The following CACNA1A variants were observed in gnomAD, a reference collection of about 807,000 sequenced individuals.
CACNA1A encodes the protein calcium voltage-gated channel subunit alpha1 A, also known as voltage-dependent P/Q-type calcium channel subunit alpha-1A.
In CACNA1A, 57 loss-of-function variants were observed where a neutral mutation model predicts 262.4. The observed-to-expected ratio is 0.22, with a 90% CI of 0.18 to 0.27. The LOEUF (loss-of-function observed/expected upper bound fraction) is 0.27, where lower values mean the gene tolerates loss of function less well. Among genes scored for constraint, CACNA1A ranks in the 10% least tolerant of loss-of-function variants. The probability of loss-of-function intolerance (pLI) is 1.00; values close to 1 mark genes in which losing one functional copy is unlikely to be tolerated. For missense variants in CACNA1A, 2,526 were observed against 3,562.8 expected, an observed-to-expected ratio of 0.71 and a Z score of 7.41; for synonymous variants, 1,431 against 1,419.3, an observed-to-expected ratio of 1.01 and a Z score of -0.18.
rs1442995931 is a variant in CACNA1A, at chr19:13,298,781, G to A, written c.2852C>T (p.Ala951Val). 6.5e-6 allele frequency: 10 copies of A among 1,533,188 alleles called. No individual in the cohort carries two copies. Among genetic ancestry groups the A allele is most frequent in the Non-Finnish European group, 7.8e-6 (9 of 1,150,174 alleles). 95.0% of individuals were successfully genotyped at this position (1,533,188 alleles called of 1,614,324 possible). The change falls in exon 19 of 47, where the codon GCG becomes GTG. Residue 951 changes from alanine (A) to valine (V), a missense_variant. By Grantham distance (64) the Ala-to-Val change is moderately conservative. Coordinates refer to ENST00000360228, the MANE Select transcript of CACNA1A (RefSeq NM_001127222.2). ...GCGATGACGTCGATGCTCCCCGTCC[G>A]CGCCCGTGCGCGGGGACCCGCTGCG... ...ESRSGSPRTG[A>V]DGEHRRHRAH...
At chr19:13,455,932 T>C (rs1462385684) in intron 1 of CACNA1A, among the ~76,000 whole-genome samples, 3 of 150,170 alleles carry the variant, frequency 2.0e-5, no homozygotes, top group Non-Finnish European at 2.9e-5. Flanking sequence ...GGTGGATCAC[T>C]TGCGGTCAGG....
In CACNA1A at chr19:13,209,336, C is replaced by G. The variant is rs754334160; in HGVS notation, c.6502G>C (p.Gly2168Arg). The change falls in exon 45 of 47, where the codon GGC becomes CGC. Residue 2168 changes from glycine (G) to arginine (R), a missense_variant. Physicochemically the swap from Gly to Arg is moderately radical, Grantham distance 125. This residue lies in a region of CACNA1A where 929 missense variants were observed against 868.1 expected (regional missense o/e 1.07). Coordinates refer to ENST00000360228, the MANE Select transcript of CACNA1A (RefSeq NM_001127222.2). ...CCTGTGTCCACATCGGTGTAGCGGC[C>G]CAGGGAGCGCTCAGAGGCGCGGTGG... ...RSHRASERSL[G>R]RYTDVDTGLG... is the part of the protein sequence containing the mutation. 1.4e-6 allele frequency: 2 copies of G among 1,391,440 alleles called. No homozygotes were observed. Among genetic ancestry groups the G allele is most frequent in the South Asian group, 3.5e-5 (2 of 57,694 alleles). 86.2% of individuals were successfully genotyped at this position (1,391,440 alleles called of 1,614,324 possible). A position where few individuals can be genotyped will look rare whatever the true frequency, so the allele number is the denominator to read the frequency against.
chr19:13,451,553 A>T (rs954001551), intron 3 of CACNA1A: 3 of 152,036 alleles, frequency 2.0e-5, no homozygotes, highest in Non-Finnish European at 4.4e-5. Context: ...CTCCAAATCC[A>T]TTTCCCTTTT....
chr19:13,257,085 T>C, intron 28 of CACNA1A: 1 of 286,652 alleles, frequency 3.5e-6, no homozygotes, highest in Admixed American at 4.6e-5. Context: ...AAAAAATAAG[T>C]CCCTTTGTGG....
intron 3 of CACNA1A, among the ~76,000 whole-genome samples, chr19:13,394,016 A>C (rs534609431): frequency 2.6e-5 from 4 of 152,146 alleles, no homozygotes; most frequent in Non-Finnish European, 5.9e-5. Context: ...CTCAAGCTCT[A>C]CTTGTATGAT....
chr19:13,366,565 G>T (rs2059215474), intron 4 of CACNA1A, among the ~76,000 whole-genome samples: 1 of 152,146 alleles, frequency 6.6e-6, no homozygotes, highest in African/African-American at 2.4e-5. Flanking sequence ...CCAAAGTTCT[G>T]GGATTACAGG....
chr19:13,271,498 G>T (rs2057018193), intron 24 of CACNA1A: 1 of 152,156 alleles, frequency 6.6e-6, no homozygotes, highest in South Asian at 2.1e-4. Context: ...TGGGATTACA[G>T]GTGTGAGCCA....
At chr19:13,285,036 C>G (rs750911731) in intron 21 of CACNA1A, 32 bp downstream of exon 21, 5 of 1,603,498 alleles carry the variant, frequency 3.1e-6, no homozygotes, top group Admixed American at 3.4e-5. Context: ...GAGCCCCAGG[C>G]CCCCCCTGCC....
At chr19:13,305,886 C>A (rs1393358315) in intron 15 of CACNA1A, among the ~76,000 whole-genome samples, 1 of 152,032 alleles carries the variant, frequency 6.6e-6, no homozygotes, top group East Asian at 1.9e-4. Flanking sequence ...ATAGTGAAAC[C>A]CTGTCTCTAC....
At chr19:13,389,354 T>C (rs1204660384) in intron 3 of CACNA1A, among the ~76,000 whole-genome samples, 1 of 152,062 alleles carries the variant, frequency 6.6e-6, no homozygotes, top group East Asian at 1.9e-4. Flanking sequence ...TCCCCTTATA[T>C]AGATGGTGCT....
chr19:13,299,866 T>G (rs1321110281), intron 18 of CACNA1A, among the ~76,000 whole-genome samples: 3 of 152,096 alleles, frequency 2.0e-5, no homozygotes, highest in African/African-American at 7.2e-5. Flanking sequence ...GACCTAGGTG[T>G]GGGGGGTGGT....
At position 13,214,994 on chromosome 19, in the gene CACNA1A, TTG is replaced by T. The variant is rs141017978; in HGVS notation, c.5732-388_5732-387del. ...CAAGAGTACTTGCCTCACCTGGTTG[TTG>T]TGTGTGTGTGTGTGTGTTTTTTTTT... On this transcript the variant is annotated intron_variant, in intron 38 of 46. Coordinates refer to ENST00000360228, the MANE Select transcript of CACNA1A (RefSeq NM_001127222.2). The surrounding 1 kb of genome is among the most constrained non-coding windows in gnomAD (Gnocchi z 4.1). 0.77 allele frequency: 115,263 copies of T among 149,612 alleles called. 45,980 individuals carry two copies. The highest frequency in any genetic ancestry group is 0.88 in the Middle Eastern group (247 of 282). The allele number at this position is 149,612 out of a possible 1,614,324, so 9.3% of individuals were successfully genotyped here. A position where few individuals can be genotyped will look rare whatever the true frequency, so the allele number is the denominator to read the frequency against.
At chr19:13,356,941 C>T (rs968163981) in intron 6 of CACNA1A, among the ~76,000 whole-genome samples, 5 of 152,330 alleles carry the variant, frequency 3.3e-5, no homozygotes, top group East Asian at 3.9e-4. Context: ...TACACTCAGA[C>T]GAGGTTTTCA....
At chr19:13,351,722 C>G (rs1943255889) in intron 6 of CACNA1A, among the ~76,000 whole-genome samples, 1 of 152,102 alleles carries the variant, frequency 6.6e-6, no homozygotes, top group Non-Finnish European at 1.5e-5. Context: ...GTTGGCCAGG[C>G]TGGTCTCGAA....
chr19:13,341,479 G>T (rs1410955975), intron 6 of CACNA1A, among the ~76,000 whole-genome samples: 1 of 152,184 alleles, frequency 6.6e-6, no homozygotes, highest in Non-Finnish European at 1.5e-5. Flanking sequence ...GGCAGAGGGG[G>T]CCTCCAACCC....
At position 13,371,792 on chromosome 19, in the gene CACNA1A, A is replaced by C; in HGVS notation, c.540-13T>G. On this transcript the variant is annotated splice_polypyrimidine_tract_variant and intron_variant, in intron 3 of 46. Coordinates refer to ENST00000360228, the MANE Select transcript of CACNA1A (RefSeq NM_001127222.2). ...TGTCGCCAAGATGCTGAAAGAAAGA[A>C]GCCAGAATGGAGAACAGAGGGTGGG... is the stretch of plus-strand genomic sequence containing the variant. The C allele has an allele frequency of 6.4e-7, 1 of 1,554,692 alleles. No homozygotes were observed. Among genetic ancestry groups the C allele is most frequent in the East Asian group, 2.4e-5 (1 of 41,718 alleles).
At chr19:13,262,994 T>C in intron 24 of CACNA1A, 161 bp from the exon 25 acceptor site, 1 of 629,780 alleles carries the variant, frequency 1.6e-6, no homozygotes. Flanking sequence ...GTGGTCCATT[T>C]CACCTGTTAA....
At chr19:13,322,163 T>C (rs1014987367) in intron 10 of CACNA1A, among the ~76,000 whole-genome samples, 3 of 148,694 alleles carry the variant, frequency 2.0e-5, no homozygotes, top group African/African-American at 5.0e-5. Flanking sequence ...GATCGTGCCA[T>C]TGCACTCCAG....
rs60884577 is a variant in CACNA1A, at chr19:13,349,007, C to CAAA, written c.978+10596_978+10598dup. ...TGGGTGACAGAGTGAGACGCTGTCT[C>CAAA]AAAAAAAAAAAAAAAAAAAAAGAGA... On this transcript the variant is annotated intron_variant, in intron 6 of 46. Coordinates refer to ENST00000360228, the MANE Select transcript of CACNA1A (RefSeq NM_001127222.2). 2.7e-3 allele frequency among the ~76,000 whole-genome samples: 162 copies of CAAA among 59,562 alleles called. 7 individuals are homozygous for CAAA. In the East Asian group the frequency reaches 0.031, roughly 12 times the overall value. The allele number at this position is 59,562 out of a possible 152,430, so 39.1% of individuals were successfully genotyped here.
Sources: gnomAD v4.1 joint callset for allele counts (sites outside exome capture counted in the v4.1 genomes callset) on GRCh38, gnomAD v4.1.1 for gene constraint, gnomAD v4.1.1 regional missense constraint, Gnocchi (gnomAD v3.1) non-coding constraint, MANE v1.5 for transcripts, NCBI Gene and HGNC (gene_info 2026-07-23, HGNC 2026-07-21) for gene names.